MYO6: variants seen among roughly 807,000 people sequenced by gnomAD.
The protein encoded by MYO6 is unconventional myosin-VI.
MYO6 carries 74 observed loss-of-function variants against 178.7 expected under a neutral mutation model. That is an observed-to-expected ratio of 0.41 (90% CI 0.34 to 0.50). MYO6 has a LOEUF of 0.50. Among genes scored for constraint, MYO6 ranks in the 20% least tolerant of loss-of-function variants. The probability of loss-of-function intolerance (pLI) is 0.09; values close to 1 mark genes in which losing one functional copy is unlikely to be tolerated. For missense variants in MYO6, 1,330 were observed against 1,547.4 expected (o/e 0.86, Z 2.36); for synonymous variants, 477 against 504.6 (o/e 0.95, Z 0.73).
chr6:75,892,828 A>T, intron 28 of MYO6, 138 bp downstream of exon 28: 1 of 885,686 alleles, frequency 1.1e-6, no homozygotes, highest in South Asian at 1.9e-5. Context: ...AATAATTTTA[A>T]AATTATTTGT....
intron 29 of MYO6, among the ~76,000 whole-genome samples, 182 bp from the exon 30 acceptor site, chr6:75,898,191 T>A (rs1214145690): frequency 6.6e-6 from 1 of 152,202 alleles, no homozygotes; most frequent in African/African-American, 2.4e-5. Flanking sequence ...ACAAAAATTT[T>A]TCTGTGTGTT....
chr6:75,906,600 C>T lies in MYO6; in HGVS notation c.3177-1005C>T, dbSNP rs547746978. 5.5e-4 allele frequency among the ~76,000 whole-genome samples: 83 copies of T among 152,022 alleles called. 1 individual carries two copies. The highest frequency in any genetic ancestry group is 1.0e-3 in the South Asian group (5 of 4,828). ...CTGAGGTGGGAGAATTGCTTGAGCC[C>T]GGGTGGTGGAGGTTGCAGTGAGCCA... On this transcript the variant is annotated intron_variant, in intron 30 of 34. Transcript: ENST00000369977.
chr6:75,760,001 T>C (rs535665864), intron 1 of MYO6, among the ~76,000 whole-genome samples: 1 of 152,234 alleles, frequency 6.6e-6, no homozygotes, highest in Non-Finnish European at 1.5e-5. Flanking sequence ...AGTGACTAAA[T>C]TAAAAATATT....
At chr6:75,912,216 C>G (rs925071377) in intron 33 of MYO6, among the ~76,000 whole-genome samples, 31 of 151,944 alleles carry the variant, frequency 2.0e-4, no homozygotes, top group African/African-American at 7.5e-4. Context: ...GATACACATT[C>G]TTTGATAATT....
rs1562264489 is a variant in MYO6, at chr6:75,866,914, GTTTGA to G, written c.1771-14_1771-10del. 3 of 1,612,552 alleles carry G rather than the reference GTTTGA, an allele frequency of 1.9e-6. No homozygotes were observed. The highest frequency in any genetic ancestry group is 2.5e-6 in the Non-Finnish European group (3 of 1,178,890). On this transcript the variant is annotated splice_polypyrimidine_tract_variant and intron_variant, in intron 17 of 34. Coordinates refer to ENST00000369977, the MANE Select transcript of MYO6 (RefSeq NM_004999.4). ...TCACAAGATGGACAGAAACATTCCTGTTTGATTTATTTTTCAGACCCAGTTTGTGG... is the reference window on the plus strand; with the variant it reads ...TCACAAGATGGACAGAAACATTCCTGTTTATTTTTCAGACCCAGTTTGTGG...
chr6:75,888,391 G>A (rs1005554542), intron 25 of MYO6, among the ~76,000 whole-genome samples: 2 of 152,086 alleles, frequency 1.3e-5, no homozygotes, highest in African/African-American at 4.8e-5. Context: ...CAGGCGCAGG[G>A]ATCACCTGAG....
intron 7 of MYO6, among the ~76,000 whole-genome samples, chr6:75,837,548 G>T (rs1773769020): frequency 6.6e-6 from 1 of 152,238 alleles, no homozygotes; most frequent in East Asian, 1.9e-4. Context: ...AAAGAAAAAT[G>T]TTGGTTGAAC....
At chr6:75,808,374 C>T (rs1349007572) in intron 1 of MYO6, among the ~76,000 whole-genome samples, 1 of 152,124 alleles carries the variant, frequency 6.6e-6, no homozygotes, top group African/African-American at 2.4e-5. Flanking sequence ...GGACAGAGAT[C>T]TATTTCTCTC....
intron 20 of MYO6, among the ~76,000 whole-genome samples, chr6:75,875,985 C>T (rs755393980): frequency 2.0e-5 from 3 of 152,154 alleles, no homozygotes; most frequent in Non-Finnish European, 2.9e-5. Flanking sequence ...TTTGTTTACA[C>T]TCTCTCCCTC....
At chr6:75,750,325 G>C (rs1258488752) in intron 1 of MYO6, among the ~76,000 whole-genome samples, 1 of 152,046 alleles carries the variant, frequency 6.6e-6, no homozygotes, top group Non-Finnish European at 1.5e-5. Flanking sequence ...TTGAAATCCT[G>C]ACCTCTTGAT....
Position 75,907,812 on chromosome 6 carries a change from G to GTGTGTA in MYO6, c.3280+110_3280+115dup, listed in dbSNP as rs1273851144. ...TGTGTGTATGTGTGTGTGTGTGTGT[G>GTGTGTA]TGTGTATGTGTGTATGTACATATAA... On this transcript the variant is annotated intron_variant, in intron 31 of 34. Coordinates refer to ENST00000369977, the MANE Select transcript of MYO6 (RefSeq NM_004999.4). The GTGTGTA allele has an allele frequency of 3.7e-6, 3 of 800,854 alleles. No homozygotes were observed. The African/African-American group carries it at 5.1e-5, about 14-fold the overall frequency. 49.6% of individuals were successfully genotyped at this position (800,854 alleles called of 1,614,324 possible).
chr6:75,806,047 G>T (rs1770046082), intron 1 of MYO6, among the ~76,000 whole-genome samples: 1 of 151,654 alleles, frequency 6.6e-6, no homozygotes, highest in Non-Finnish European at 1.5e-5. Context: ...TCTTTGGTGG[G>T]GTGAATAAAT....
intron 1 of MYO6, among the ~76,000 whole-genome samples, chr6:75,794,990 G>A (rs994140555): frequency 2.0e-5 from 3 of 152,210 alleles, no homozygotes; most frequent in Non-Finnish European, 2.9e-5. Flanking sequence ...TAATTCTTGT[G>A]AAGTGAGACC....
At chr6:75,843,585 G>A (rs1774448518) in intron 9 of MYO6, among the ~76,000 whole-genome samples, 1 of 152,090 alleles carries the variant, frequency 6.6e-6, no homozygotes, top group Non-Finnish European at 1.5e-5. Flanking sequence ...CAAAACAATT[G>A]GAGTGAGGAG....
chr6:75,830,003 C>T (rs929966517), intron 4 of MYO6, among the ~76,000 whole-genome samples: 1 of 151,996 alleles, frequency 6.6e-6, no homozygotes, highest in Non-Finnish European at 1.5e-5. Context: ...TAAAACTTAG[C>T]GGTAGGAGAT....
intron 29 of MYO6, among the ~76,000 whole-genome samples, chr6:75,896,173 G>C (rs1320361365): frequency 6.6e-6 from 1 of 152,074 alleles, no homozygotes; most frequent in Non-Finnish European, 1.5e-5. Flanking sequence ...TAACATTTAT[G>C]ATGAGGATTC....
chr6:75,780,027 A>C (rs1414886172), intron 1 of MYO6, among the ~76,000 whole-genome samples: 2 of 152,180 alleles, frequency 1.3e-5, no homozygotes. Flanking sequence ...CTGGATTCTG[A>C]CTGTCTTCAT....
At chr6:75,877,985 A>G (rs1266015599) in intron 20 of MYO6, among the ~76,000 whole-genome samples, 2 of 152,188 alleles carry the variant, frequency 1.3e-5, no homozygotes, top group Non-Finnish European at 1.5e-5. Context: ...CAAGTGGGCA[A>G]AAACTGTGAT....
At chr6:75,822,957 C>G (rs1583192733) in intron 3 of MYO6, 106 bp downstream of exon 3, 1 of 861,296 alleles carries the variant, frequency 1.2e-6, no homozygotes, top group African/African-American at 1.7e-5. Context: ...GGTTCAGAAA[C>G]AATCTAGTCT....
Sources: gnomAD v4.1 joint callset for allele counts (sites outside exome capture counted in the v4.1 genomes callset) on GRCh38, gnomAD v4.1.1 for gene constraint, MANE v1.5 for transcripts, NCBI Gene and HGNC (gene_info 2026-07-23, HGNC 2026-07-21) for gene names.